SMARCAD1: variants seen among roughly 807,000 people sequenced by gnomAD.
SMARCAD1 encodes SNF2 related chromatin remodeling ATPase with DExD box 1, also known as SWI/SNF-related matrix-associated actin-dependent regulator of chromatin subfamily A containing DEAD/H box 1.
A neutral mutation model predicts 127.1 loss-of-function variants in SMARCAD1; 25 were observed. The observed-to-expected ratio is 0.20, with a 90% CI of 0.14 to 0.27. The LOEUF (loss-of-function observed/expected upper bound fraction) is 0.27, where lower values mean the gene tolerates loss of function less well. SMARCAD1 is among the 10% of genes least tolerant of loss of function. SMARCAD1 has a pLI of 1.00. For synonymous variants in SMARCAD1, 400 were observed against 396.9 expected, an observed-to-expected ratio of 1.01 and a Z score of -0.09; for missense variants, 807 against 1,206.0, an observed-to-expected ratio of 0.67 and a Z score of 4.90.
intron 7 of SMARCAD1, among the ~76,000 whole-genome samples, chr4:94,250,158 C>G (rs956180365): frequency 1.3e-5 from 2 of 151,804 alleles, no homozygotes; most frequent in South Asian, 4.2e-4. Flanking sequence ...AAGCTTTCTA[C>G]TACTTCCCAG....
At position 94,264,700 on chromosome 4, in the gene SMARCAD1, G is replaced by T. The variant is rs751395452; in HGVS notation, c.1282-7G>T. ...ACTATTCAATTATTTTTCTTTTTAT[G>T]CTATAGTTCACAAAGATGTCCAAAA... is the stretch of plus-strand genomic sequence containing the variant. On this transcript the variant is annotated splice_polypyrimidine_tract_variant and splice_region_variant and intron_variant, in intron 9 of 23. Transcript: ENST00000354268. The T allele has an allele frequency of 1.2e-6, 2 of 1,607,086 alleles. No individual in the cohort carries two copies. Among genetic ancestry groups the T allele is most frequent in the Admixed American group, 3.3e-5 (2 of 59,720 alleles).
intron 15 of SMARCAD1, 127 bp downstream of exon 15, chr4:94,276,601 A>C (rs1753337325): frequency 8.2e-7 from 1 of 1,214,258 alleles, no homozygotes. Context: ...TGTGTTAGCA[A>C]GTTTTTTCTG....
chr4:94,228,784 AT>A (rs199978200), intron 3 of SMARCAD1, among the ~76,000 whole-genome samples: 39 of 150,014 alleles, frequency 2.6e-4, no homozygotes, highest in East Asian at 7.8e-4. Flanking sequence ...CTTTATGGTA[AT>A]TTTTTTTTTA....
chr4:94,257,486 CT>C (rs1267732564), intron 9 of SMARCAD1, among the ~76,000 whole-genome samples: 1 of 152,092 alleles, frequency 6.6e-6, no homozygotes, highest in East Asian at 1.9e-4. Context: ...AGTTAAGTAA[CT>C]TACAGGATTA....
chr4:94,265,744 G>A (rs1005946121), intron 10 of SMARCAD1, among the ~76,000 whole-genome samples: 1 of 151,724 alleles, frequency 6.6e-6, no homozygotes, highest in African/African-American at 2.4e-5. Context: ...GCAAAACCAT[G>A]GAAACAAATG....
chr4:94,221,181 T>C (rs1049836352), intron 2 of SMARCAD1, among the ~76,000 whole-genome samples: 3 of 152,226 alleles, frequency 2.0e-5, no homozygotes, highest in Non-Finnish European at 4.4e-5. Context: ...TCCAGATACT[T>C]AGACATTTCT....
At chr4:94,237,504 A>G (rs1241056260) in intron 5 of SMARCAD1, among the ~76,000 whole-genome samples, 1 of 151,624 alleles carries the variant, frequency 6.6e-6, no homozygotes, top group African/African-American at 2.4e-5. Flanking sequence ...ATACTAAAAA[A>G]AAAAAAAGTA....
At chr4:94,209,223 A>G (rs1741787339) in intron 2 of SMARCAD1, among the ~76,000 whole-genome samples, 1 of 152,188 alleles carries the variant, frequency 6.6e-6, no homozygotes, top group South Asian at 2.1e-4. Context: ...TATTAGAGGA[A>G]TATATTTGAG....
intron 2 of SMARCAD1, among the ~76,000 whole-genome samples, chr4:94,211,231 C>T (rs572277696): frequency 1.3e-5 from 2 of 152,240 alleles, no homozygotes; most frequent in East Asian, 1.9e-4. Flanking sequence ...GAGATTGTGC[C>T]ATTGCACTCC....
chr4:94,270,197 T>G (rs1159953285), intron 10 of SMARCAD1, among the ~76,000 whole-genome samples: 1 of 151,988 alleles, frequency 6.6e-6, no homozygotes, highest in Non-Finnish European at 1.5e-5. Context: ...TGTGTACATT[T>G]GTACGTAGTA....
Position 94,264,729 on chromosome 4 carries a change from A to G in SMARCAD1, c.1304A>G (p.Asn435Ser), listed in dbSNP as rs376099012. ...EALFTKMSKT[N>S]GLSEDLIWHC... ...TAGTTCACAAAGATGTCCAAAACTA[A>G]TGGCTTATCAGAAGATTTGATATGG... The change falls in exon 10 of 24, where the codon AAT (asparagine) becomes AGT (serine). Residue 435 changes from asparagine to serine, a missense_variant. By Grantham distance (46) the Asn-to-Ser change is conservative. Around this residue, in one of 8 missense-constraint regions of SMARCAD1, gnomAD observed 257 missense variants for 303.4 expected, o/e 0.85. Coordinates refer to ENST00000354268, the MANE Select transcript of SMARCAD1 (RefSeq NM_020159.5). 2 of 1,612,042 alleles carry G rather than the reference A, an allele frequency of 1.2e-6. No individual in the cohort carries two copies. Among genetic ancestry groups the G allele is most frequent in the Non-Finnish European group, 1.7e-6 (2 of 1,178,930 alleles).
intron 9 of SMARCAD1, among the ~76,000 whole-genome samples, chr4:94,263,158 C>T (rs1296575967): frequency 6.6e-6 from 1 of 152,044 alleles, no homozygotes; most frequent in African/African-American, 2.4e-5. Flanking sequence ...GTTACTAGCA[C>T]ATAAATGGCA....
intron 6 of SMARCAD1, among the ~76,000 whole-genome samples, chr4:94,247,414 A>G (rs759357875): frequency 2.0e-5 from 3 of 152,220 alleles, no homozygotes; most frequent in Non-Finnish European, 2.9e-5. Flanking sequence ...CAGAGCTGGC[A>G]TAAGTGTGGG....
chr4:94,290,445 T>G lies in SMARCAD1; in HGVS notation c.*911T>G. 1 of 454,506 alleles carries G rather than the reference T, an allele frequency of 2.2e-6. No individual in the cohort carries two copies. The highest frequency in any genetic ancestry group is 4.4e-6 in the Non-Finnish European group (1 of 226,762). 28.2% of individuals were successfully genotyped at this position (454,506 alleles called of 1,614,324 possible). A position where few individuals can be genotyped will look rare whatever the true frequency, so the allele number is the denominator to read the frequency against. ...TTTCTAGCCTGGCAGAACAGATTAC[T>G]TAAAGCTATTTCATTTCAAAGCAGA... On this transcript the variant is annotated 3_prime_UTR_variant, in exon 24 of 24. Coordinates refer to ENST00000354268, the MANE Select transcript of SMARCAD1 (RefSeq NM_020159.5).
intron 9 of SMARCAD1, among the ~76,000 whole-genome samples, chr4:94,262,138 G>T (rs537114088): frequency 6.6e-6 from 1 of 152,008 alleles, no homozygotes; most frequent in East Asian, 1.9e-4. Flanking sequence ...CACCTGTGTG[G>T]CATCTTTTTC....
In SMARCAD1 at chr4:94,252,994, G is replaced by A. The variant is rs1157613743; in HGVS notation, c.1268G>A (p.Ser423Asn). ...QKITELRPFN[S>N]WEALFTKMSK... ...ATAACAGAACTCCGGCCCTTTAATAGTTGGGAGGCTCTGGTAAGGCTTTAT... is the reference window on the plus strand; with the variant it reads ...ATAACAGAACTCCGGCCCTTTAATAATTGGGAGGCTCTGGTAAGGCTTTAT... The change falls in exon 9 of 24, where the codon AGT becomes AAT. Residue 423 changes from serine to asparagine, a missense_variant. This residue lies in a region of SMARCAD1 where 257 missense variants were observed against 303.4 expected (regional missense o/e 0.85). Transcript: ENST00000354268. The A allele has an allele frequency of 9.9e-6, 16 of 1,612,742 alleles. No homozygotes were observed. Among genetic ancestry groups the A allele is most frequent in the East Asian group, 2.2e-5 (1 of 44,880 alleles).
chr4:94,213,549 GCATTT>G (rs1194994454), intron 2 of SMARCAD1, among the ~76,000 whole-genome samples: 3 of 150,628 alleles, frequency 2.0e-5, no homozygotes, highest in African/African-American at 2.5e-5. Context: ...ACATCATAGA[GCATTT>G]CATTATGGAA....
intron 8 of SMARCAD1, 29 bp downstream of exon 8, chr4:94,250,862 T>C (rs1749174204): frequency 1.3e-6 from 2 of 1,489,784 alleles, no homozygotes; most frequent in Non-Finnish European, 9.4e-7. Flanking sequence ...AGAAAATACA[T>C]ACTTCTCATT....
Position 94,210,705 on chromosome 4 carries a change from A to T in SMARCAD1, c.190+2121A>T, listed in dbSNP as rs531551794. 5.1e-3 allele frequency among the ~76,000 whole-genome samples: 767 copies of T among 150,584 alleles called. 6 individuals are homozygous for T. The highest frequency in any genetic ancestry group is 0.018 in the African/African-American group (745 of 40,978). On this transcript the variant is annotated intron_variant, in intron 2 of 23. Coordinates refer to ENST00000354268, the MANE Select transcript of SMARCAD1 (RefSeq NM_020159.5). ...CTGTAATCCCAGCACTTTGGGATGCAAAGGTGGGCAAATCACCTGAGATCA... is the reference window on the plus strand; with the variant it reads ...CTGTAATCCCAGCACTTTGGGATGCTAAGGTGGGCAAATCACCTGAGATCA...
Sources: allele counts gnomAD v4.1 joint callset (sites outside exome capture counted in the v4.1 genomes callset), GRCh38; gene constraint gnomAD v4.1.1; regional missense constraint gnomAD v4.1.1; transcripts MANE v1.5; gene names NCBI Gene and HGNC (gene_info 2026-07-23, HGNC 2026-07-21).